Variants in CPT1A observed in about 807,000 individuals in gnomAD.
The protein encoded by CPT1A is carnitine palmitoyltransferase 1A, also known as carnitine O-palmitoyltransferase 1, liver isoform.
A neutral mutation model predicts 100.8 loss-of-function variants in CPT1A; 64 were observed. The ratio of observed to expected loss-of-function variants is 0.63; its 90% confidence interval spans 0.52 to 0.78. The LOEUF is 0.78. Ranked by LOEUF, CPT1A falls within the 30% of genes least tolerant of loss-of-function variation. CPT1A has a pLI of 0.00. For missense variants in CPT1A, 802 were observed against 1,034.1 expected (o/e 0.78, Z 3.08); for synonymous variants, 363 against 396.0 (o/e 0.92, Z 0.99).
chr11:68,781,987 G>C lies in CPT1A; in HGVS notation c.1164-28C>G, dbSNP rs74619837. 1.3e-4 allele frequency: 204 copies of C among 1,605,664 alleles called. No homozygotes were observed. In the African/African-American group the frequency reaches 2.6e-3, roughly 20 times the overall value. On this transcript the variant is annotated intron_variant, in intron 10 of 18. Transcript: ENST00000265641. ...GCAGTGAAGATGAAATACGATTAAAGGCAGCCCGACCTGCAGCGATGGAGC... is the reference window on the plus strand; with the variant it reads ...GCAGTGAAGATGAAATACGATTAAACGCAGCCCGACCTGCAGCGATGGAGC...
chr11:68,833,128 A>G (rs975739824), intron 1 of CPT1A, among the ~76,000 whole-genome samples: 7 of 152,202 alleles, frequency 4.6e-5, no homozygotes, highest in African/African-American at 1.7e-4. Context: ...CATGATGTCC[A>G]AGGTGGCAAA....
intron 3 of CPT1A, among the ~76,000 whole-genome samples, chr11:68,808,508 A>G (rs1353202441): frequency 6.6e-6 from 1 of 151,510 alleles, no homozygotes; most frequent in Non-Finnish European, 1.5e-5. Flanking sequence ...AGTAGCTGGG[A>G]TTACAGGTGC....
chr11:68,769,571 C>G (rs1854928040), intron 14 of CPT1A, among the ~76,000 whole-genome samples: 1 of 152,036 alleles, frequency 6.6e-6, no homozygotes, highest in African/African-American at 2.4e-5. Flanking sequence ...AACTCCTACA[C>G]TTTAAGTTTT....
intron 1 of CPT1A, among the ~76,000 whole-genome samples, chr11:68,838,696 C>G (rs1158693409): frequency 6.6e-6 from 1 of 152,082 alleles, no homozygotes; most frequent in Non-Finnish European, 1.5e-5. Flanking sequence ...ACCTCAGCCT[C>G]CTGAGTAGCT....
Position 68,757,512 on chromosome 11 carries a change from C to T in CPT1A, c.*132G>A. 2 of 1,533,920 alleles carry T rather than the reference C, an allele frequency of 1.3e-6. No homozygotes were observed. The highest frequency in any genetic ancestry group is 1.7e-6 in the Non-Finnish European group (2 of 1,143,276). ...CTGTTCTAGGAAAAAAAAACACCCA[C>T]ATTTTCTGGAAGGAAAACTGAGTTT... On this transcript the variant is annotated 3_prime_UTR_variant, in exon 19 of 19. Transcript: ENST00000265641.
At chr11:68,802,997 G>T (rs559487237) in intron 5 of CPT1A, among the ~76,000 whole-genome samples, 1 of 152,246 alleles carries the variant, frequency 6.6e-6, no homozygotes, top group South Asian at 2.1e-4. Context: ...CTGGGGGCCT[G>T]GCTTTGAAGT....
chr11:68,807,734 TCCAGCAGCCTGCC>T, intron 3 of CPT1A, 96 bp from the exon 4 acceptor site: 2 of 1,204,272 alleles, frequency 1.7e-6, no homozygotes, highest in South Asian at 1.3e-5. Context: ...TGCTGCAGGG[TCCAGCAGCCTGCC>T]CCAGGTACAG....
intron 4 of CPT1A, among the ~76,000 whole-genome samples, chr11:68,806,725 T>G (rs943106416): frequency 2.0e-5 from 3 of 147,128 alleles, no homozygotes; most frequent in African/African-American, 7.6e-5. Flanking sequence ...ATGTCAGGAG[T>G]TCAAGACCAG....
At chr11:68,801,475 C>T (rs1855901720) in intron 5 of CPT1A, among the ~76,000 whole-genome samples, 1 of 151,992 alleles carries the variant, frequency 6.6e-6, no homozygotes, top group African/African-American at 2.4e-5. Context: ...ACTAAAAATA[C>T]AAAAATTAGC....
intron 1 of CPT1A, among the ~76,000 whole-genome samples, chr11:68,825,344 G>C (rs1006162278): frequency 1.3e-5 from 2 of 152,096 alleles, no homozygotes; most frequent in Non-Finnish European, 2.9e-5. Context: ...TACTCCAAGT[G>C]CCCCAGGTGC....
chr11:68,757,561 G>T lies in CPT1A; in HGVS notation c.*83C>A. 1.2e-6 allele frequency: 2 copies of T among 1,606,940 alleles called. No homozygotes were observed. The highest frequency in any genetic ancestry group is 1.1e-5 in the South Asian group (1 of 90,330). ...TTTTTTAAGAGCAGTGTTTCATCCC[G>T]AGCTAAGGTCAGGATTAATGCCTAT... On this transcript the variant is annotated 3_prime_UTR_variant, in exon 19 of 19. Coordinates refer to ENST00000265641, the MANE Select transcript of CPT1A (RefSeq NM_001876.4).
At chr11:68,777,557 ACATAAGCCCC>A (rs1566352071) in intron 12 of CPT1A, among the ~76,000 whole-genome samples, 1 of 152,248 alleles carries the variant, frequency 6.6e-6, no homozygotes, top group Non-Finnish European at 1.5e-5. Context: ...TGTATGGATC[ACATAAGCCCC>A]CAGCCAGGGG....
At chr11:68,764,866 C>T (rs574664716) in intron 14 of CPT1A, among the ~76,000 whole-genome samples, 3 of 152,360 alleles carry the variant, frequency 2.0e-5, no homozygotes, top group South Asian at 4.1e-4. Context: ...TGGACACCAG[C>T]GCTAAGCAGC....
At chr11:68,799,414 T>A in intron 5 of CPT1A, 59 bp from the exon 6 acceptor site, 1 of 1,584,984 alleles carries the variant, frequency 6.3e-7, no homozygotes, top group Non-Finnish European at 8.6e-7. Flanking sequence ...TCAAAGCCTA[T>A]GTTTGCCTCA....
At chr11:68,799,158 CA>C (rs1157758584) in intron 6 of CPT1A, 59 bp downstream of exon 6, 2 of 1,493,514 alleles carry the variant, frequency 1.3e-6, no homozygotes, top group African/African-American at 1.5e-5. Context: ...CCCTGCCCCT[CA>C]AAATTAGCGT....
Position 68,757,158 on chromosome 11 carries a change from G to T in CPT1A, c.*486C>A. On this transcript the variant is annotated 3_prime_UTR_variant, in exon 19 of 19. Coordinates refer to ENST00000265641, the MANE Select transcript of CPT1A (RefSeq NM_001876.4). ...GCAGGTCTCCAAAGCACAGCATTTT[G>T]GTTAGTGCATTCCAGATGTGTTAGC... is the stretch of plus-strand genomic sequence containing the variant. 3.3e-6 allele frequency: 1 copy of T among 303,966 alleles called. No homozygotes were observed. The highest frequency in any genetic ancestry group is 5.1e-6 in the Non-Finnish European group (1 of 195,414). The allele number at this position is 303,966 out of a possible 1,614,324, so 18.8% of individuals were successfully genotyped here.
At chr11:68,796,279 G>A (rs1442949685) in intron 7 of CPT1A, among the ~76,000 whole-genome samples, 2 of 151,818 alleles carry the variant, frequency 1.3e-5, no homozygotes, top group African/African-American at 4.8e-5. Flanking sequence ...AGGACAGGCC[G>A]GGCACGGTGG....
intron 10 of CPT1A, among the ~76,000 whole-genome samples, chr11:68,783,894 C>T (rs1424550203): frequency 1.3e-5 from 2 of 152,178 alleles, no homozygotes; most frequent in Non-Finnish European, 2.9e-5. Flanking sequence ...TTTTGAGACA[C>T]AGTCTCACTC....
chr11:68,795,305 C>T (rs1212554783), intron 7 of CPT1A, among the ~76,000 whole-genome samples: 1 of 152,164 alleles, frequency 6.6e-6, no homozygotes, highest in Non-Finnish European at 1.5e-5. Flanking sequence ...AATTTTGAGA[C>T]CCTGTTCCAA....
Sources: gnomAD v4.1 joint callset for allele counts (sites outside exome capture counted in the v4.1 genomes callset) on GRCh38, gnomAD v4.1.1 for gene constraint, MANE v1.5 for transcripts, NCBI Gene and HGNC (gene_info 2026-07-23, HGNC 2026-07-21) for gene names.